Variants in ZDHHC3 observed in about 807,000 individuals in gnomAD.
The protein encoded by ZDHHC3 is palmitoyltransferase ZDHHC3.
ZDHHC3 carries 9 observed loss-of-function variants against 30.6 expected under a neutral mutation model. The observed-to-expected ratio is 0.29, with a 90% confidence interval of 0.18 to 0.51. The LOEUF is 0.51. Among genes scored for constraint, ZDHHC3 ranks in the 20% least tolerant of loss-of-function variants. ZDHHC3 has a pLI of 0.97. For missense variants in ZDHHC3, 246 were observed against 384.2 expected, an observed-to-expected ratio of 0.64 and a Z score of 3.01; for synonymous variants, 136 against 140.2, an observed-to-expected ratio of 0.97 and a Z score of 0.21.
Position 44,916,164 on chromosome 3 carries a change from A to C in ZDHHC3, c.*10525T>G, listed in dbSNP as rs1257530928. The stretch of plus-strand genomic sequence containing the variant: ...TTCTGGTTGCTCTGTTGATGTTAGA[A>C]TCCCACCATCACCCCTCTCGTGGGT... On this transcript the variant is annotated 3_prime_UTR_variant, in exon 7 of 7. Coordinates refer to ENST00000424952, the MANE Select transcript of ZDHHC3 (RefSeq NM_001135179.2). 6.6e-6 allele frequency: 1 copy of C among 152,190 alleles called. No homozygotes were observed. The highest frequency in any genetic ancestry group is 2.4e-5 in the African/African-American group (1 of 41,432). 9.4% of individuals were successfully genotyped at this position (152,190 alleles called of 1,614,324 possible). A position where few individuals can be genotyped will look rare whatever the true frequency, so the allele number is the denominator to read the frequency against.
In ZDHHC3 at chr3:44,959,031, T is replaced by G; in HGVS notation, c.306+100A>C. 2 of 1,451,540 alleles carry G rather than the reference T, an allele frequency of 1.4e-6. No individual in the cohort carries two copies. Among genetic ancestry groups the G allele is most frequent in the East Asian group, 4.6e-5 (2 of 43,758 alleles). 89.9% of individuals were successfully genotyped at this position (1,451,540 alleles called of 1,614,324 possible). A position where few individuals can be genotyped will look rare whatever the true frequency, so the allele number is the denominator to read the frequency against. Reference sequence around the variant, plus strand: ...TCACCCTCCCCTGGCCCTCCTATCCTCCAAGTTCCCAAGGTCCAGGGGGAA... The same window carrying G: ...TCACCCTCCCCTGGCCCTCCTATCCGCCAAGTTCCCAAGGTCCAGGGGGAA... On this transcript the variant is annotated intron_variant, in intron 2 of 6. Transcript: ENST00000424952. The surrounding 1 kb of genome is among the most constrained non-coding windows in gnomAD (Gnocchi z 4.3).
intron 2 of ZDHHC3, among the ~76,000 whole-genome samples, chr3:44,954,313 G>C (rs905973537): frequency 7.9e-5 from 12 of 152,162 alleles, no homozygotes; most frequent in African/African-American, 2.9e-4. Flanking sequence ...TCAATGACAA[G>C]TCCCTCAAGA....
Position 44,920,941 on chromosome 3 carries a change from T to C in ZDHHC3, c.*5748A>G, listed in dbSNP as rs1700547814. ...GTATAAAAATGGGCTGAGGGCTGCT[T>C]TTTCCTGGTAGGACTCAATTTTGAG... On this transcript the variant is annotated 3_prime_UTR_variant, in exon 7 of 7. Transcript: ENST00000424952. The C allele has an allele frequency of 1.0e-6, 1 of 985,328 alleles. No homozygotes were observed. The highest frequency in any genetic ancestry group is 1.2e-6 in the Non-Finnish European group (1 of 829,940). 61.0% of individuals were successfully genotyped at this position (985,328 alleles called of 1,614,324 possible).
At chr3:44,966,322 G>C (rs972347384) in intron 1 of ZDHHC3, among the ~76,000 whole-genome samples, 7 of 152,176 alleles carry the variant, frequency 4.6e-5, no homozygotes, top group African/African-American at 1.7e-4. Context: ...CTATTATTAT[G>C]CTAGACTGCT....
intron 4 of ZDHHC3, 110 bp from the exon 5 acceptor site, chr3:44,933,309 C>T (rs1701662384): frequency 1.0e-6 from 1 of 965,364 alleles, no homozygotes; most frequent in Non-Finnish European, 1.6e-6. Context: ...TTAGTCAGGA[C>T]AAGGCCTGAC....
chr3:44,949,486 T>G (rs968151602), intron 2 of ZDHHC3, among the ~76,000 whole-genome samples: 1 of 152,184 alleles, frequency 6.6e-6, no homozygotes, highest in Admixed American at 6.5e-5. Context: ...TTAATTTTCT[T>G]GACTATATTT....
Position 44,926,208 on chromosome 3 carries a change from A to C in ZDHHC3, c.*481T>G, listed in dbSNP as rs1040523962. On this transcript the variant is annotated 3_prime_UTR_variant, in exon 7 of 7. Transcript: ENST00000424952. ...CTGCCCTTCTCAGGCCTCAAGGGGT[A>C]AGCATCCATCTTCGGTGAGGTTTTA... 8.1e-6 allele frequency: 8 copies of C among 985,934 alleles called. No individual in the cohort carries two copies. The African/African-American group carries it at 1.4e-4, about 17-fold the overall frequency. 61.1% of individuals were successfully genotyped at this position (985,934 alleles called of 1,614,324 possible). A position where few individuals can be genotyped will look rare whatever the true frequency, so the allele number is the denominator to read the frequency against.
At position 44,922,160 on chromosome 3, in the gene ZDHHC3, C is replaced by T. The variant is rs2125786613; in HGVS notation, c.*4529G>A. On this transcript the variant is annotated 3_prime_UTR_variant, in exon 7 of 7. Transcript: ENST00000424952. The stretch of plus-strand genomic sequence containing the variant: ...AATTCTTTCTCTTCTATGAGGTGAT[C>T]CTAAGCCAGATACATATTTAAAGAA... 1 of 985,412 alleles carries T rather than the reference C, an allele frequency of 1.0e-6. No homozygotes were observed. The highest frequency in any genetic ancestry group is 1.2e-6 in the Non-Finnish European group (1 of 829,932). The allele number at this position is 985,412 out of a possible 1,614,324, so 61.0% of individuals were successfully genotyped here. A position where few individuals can be genotyped will look rare whatever the true frequency, so the allele number is the denominator to read the frequency against.
rs1701501694 is a variant in ZDHHC3, at chr3:44,931,695, T to C, written c.610+1423A>G. Among the ~76,000 whole-genome samples, 4 of 152,190 alleles carry C rather than the reference T, an allele frequency of 2.6e-5. No homozygotes were observed. In the South Asian group the frequency reaches 8.3e-4, roughly 32 times the overall value. On this transcript the variant is annotated intron_variant, in intron 5 of 6. Transcript: ENST00000424952. ...CTCCATCAGGAATTTTGACCACAGTTAATCAAGAGCATGGCTGGGAGGACC... is the reference window on the plus strand; with the variant it reads ...CTCCATCAGGAATTTTGACCACAGTCAATCAAGAGCATGGCTGGGAGGACC...
At position 44,921,075 on chromosome 3, in the gene ZDHHC3, T is replaced by A. The variant is rs1379207124; in HGVS notation, c.*5614A>T. The A allele has an allele frequency of 2.0e-6, 2 of 985,416 alleles. No homozygotes were observed. The highest frequency in any genetic ancestry group is 2.4e-6 in the Non-Finnish European group (2 of 829,920). 61.0% of individuals were successfully genotyped at this position (985,416 alleles called of 1,614,324 possible). A position where few individuals can be genotyped will look rare whatever the true frequency, so the allele number is the denominator to read the frequency against. On this transcript the variant is annotated 3_prime_UTR_variant, in exon 7 of 7. Coordinates refer to ENST00000424952, the MANE Select transcript of ZDHHC3 (RefSeq NM_001135179.2). ...CAAGAGAACGAACAAAAATGGTTGA[T>A]GCCTGGTAAGGGGGTCATAGTCGAC...
At chr3:44,933,264 G>A in intron 4 of ZDHHC3, 65 bp from the exon 5 acceptor site, 1 of 1,500,956 alleles carries the variant, frequency 6.7e-7, no homozygotes, top group Non-Finnish European at 9.3e-7. Flanking sequence ...GGGCTCCCGG[G>A]ACAGGGGCAC....
chr3:44,948,410 T>C (rs1703139931), intron 2 of ZDHHC3, among the ~76,000 whole-genome samples: 1 of 152,110 alleles, frequency 6.6e-6, no homozygotes, highest in African/African-American at 2.4e-5. Flanking sequence ...ACTGTGAAAA[T>C]GACTCACAGT....
At position 44,921,148 on chromosome 3, in the gene ZDHHC3, G is replaced by C; in HGVS notation, c.*5541C>G. On this transcript the variant is annotated 3_prime_UTR_variant, in exon 7 of 7. Coordinates refer to ENST00000424952, the MANE Select transcript of ZDHHC3 (RefSeq NM_001135179.2). Reference sequence around the variant, plus strand: ...GTGATGGGCCTTTTGGCCCAGGTCAGTCTGGGTGACACATGAGCTGTGATC... The same window carrying C: ...GTGATGGGCCTTTTGGCCCAGGTCACTCTGGGTGACACATGAGCTGTGATC... 1.6e-5 allele frequency: 16 copies of C among 985,410 alleles called. No individual in the cohort carries two copies. Among genetic ancestry groups the C allele is most frequent in the Non-Finnish European group, 1.9e-5 (16 of 829,934 alleles). The allele number at this position is 985,410 out of a possible 1,614,324, so 61.0% of individuals were successfully genotyped here.
Position 44,926,745 on chromosome 3 carries a change from T to C in ZDHHC3, c.844A>G (p.Ser282Gly). The C allele has an allele frequency of 6.2e-7, 1 of 1,613,952 alleles. No individual in the cohort carries two copies. Among genetic ancestry groups the C allele is most frequent in the Non-Finnish European group, 8.5e-7 (1 of 1,179,980 alleles). Residue 282 changes from serine (S) to glycine (G), a missense_variant, in exon 7 of 7, where the codon AGC becomes GGC. Coordinates refer to ENST00000424952, the MANE Select transcript of ZDHHC3 (RefSeq NM_001135179.2). The part of the protein sequence containing the change: ...FGHPFSLGWA[S>G]PFATPDQGKA... ...CCTTGGTCTGGCGTGGCAAAGGGGCTGGCCCAGCCTAGAGAGAAGGGGTGG... is the reference window on the plus strand; with the variant it reads ...CCTTGGTCTGGCGTGGCAAAGGGGCCGGCCCAGCCTAGAGAGAAGGGGTGG...
intron 1 of ZDHHC3, among the ~76,000 whole-genome samples, chr3:44,974,132 AT>A (rs1705663354): frequency 6.6e-6 from 1 of 152,246 alleles, no homozygotes; most frequent in Non-Finnish European, 1.5e-5. Flanking sequence ...TTAGTAGACA[AT>A]TTAAAAAGGA....
intron 5 of ZDHHC3, chr3:44,932,786 AAAAC>A (rs1178407073): frequency 4.8e-6 from 4 of 837,252 alleles, no homozygotes; most frequent in Non-Finnish European, 3.9e-6. Flanking sequence ...GACAGAAAAC[AAAAC>A]TTCTCTCCCA....
intron 3 of ZDHHC3, among the ~76,000 whole-genome samples, chr3:44,941,425 G>C (rs777099489): frequency 2.0e-5 from 3 of 152,082 alleles, no homozygotes; most frequent in Non-Finnish European, 4.4e-5. Flanking sequence ...GAACTACTCT[G>C]ATCTCTTAGG....
chr3:44,945,132 T>C (rs1421159732), intron 3 of ZDHHC3, 36 bp downstream of exon 3: 1 of 1,612,574 alleles, frequency 6.2e-7, no homozygotes, highest in Admixed American at 1.7e-5. Flanking sequence ...GGCAGGACAG[T>C]GGGAGAAGAG....
intron 1 of ZDHHC3, among the ~76,000 whole-genome samples, chr3:44,960,527 T>G (rs754134874): frequency 8.5e-5 from 13 of 152,232 alleles, no homozygotes; most frequent in Non-Finnish European, 1.8e-4. Flanking sequence ...GACTAATATC[T>G]ATCCACAGCA....
Sources: allele counts gnomAD v4.1 joint callset (sites outside exome capture counted in the v4.1 genomes callset), GRCh38; gene constraint gnomAD v4.1.1; non-coding constraint Gnocchi (gnomAD v3.1); transcripts MANE v1.5; gene names NCBI Gene and HGNC (gene_info 2026-07-23, HGNC 2026-07-21).